DMXL1: variants seen among roughly 807,000 people sequenced by gnomAD.
DMXL1 encodes Dmx like 1, also known as dmX-like protein 1.
DMXL1 carries 99 observed loss-of-function variants against 319.2 expected under a neutral mutation model. The ratio of observed to expected loss-of-function variants is 0.31; its 90% confidence interval spans 0.26 to 0.37. DMXL1 has a LOEUF of 0.37. Ranked by LOEUF, DMXL1 falls within the 10% of genes least tolerant of loss-of-function variation. DMXL1 has a pLI of 1.00. For missense variants in DMXL1, 3,745 were observed against 3,595.6 expected, an observed-to-expected ratio of 1.04 and a Z score of -1.06; for synonymous variants, 1,385 against 1,235.2, an observed-to-expected ratio of 1.12 and a Z score of -2.54.
chr5:119,245,792 T>C (rs1208899548), intron 43 of DMXL1, among the ~76,000 whole-genome samples: 1 of 152,084 alleles, frequency 6.6e-6, no homozygotes, highest in Admixed American at 6.6e-5. Flanking sequence ...CCTGCCTGCC[T>C]CTGCCTCCCA....
chr5:119,172,319 A>G (rs1263982771), intron 25 of DMXL1, among the ~76,000 whole-genome samples: 2 of 152,212 alleles, frequency 1.3e-5, no homozygotes, highest in Non-Finnish European at 2.9e-5. Context: ...ATGTAAAGGC[A>G]CTAATATGTA....
At chr5:119,196,848 A>G (rs888377142) in intron 31 of DMXL1, among the ~76,000 whole-genome samples, 7 of 152,222 alleles carry the variant, frequency 4.6e-5, no homozygotes, top group African/African-American at 2.4e-5. Context: ...TGATTCTGCT[A>G]TGAACTATAG....
chr5:119,213,553 A>T (rs1350746828), intron 34 of DMXL1, among the ~76,000 whole-genome samples: 2 of 152,202 alleles, frequency 1.3e-5, no homozygotes, highest in African/African-American at 4.8e-5. Flanking sequence ...CTAGTCTCCT[A>T]TGTAGCAAAA....
chr5:119,174,798 C>G (rs1241888696), intron 25 of DMXL1, among the ~76,000 whole-genome samples: 1 of 151,970 alleles, frequency 6.6e-6, no homozygotes, highest in Admixed American at 6.6e-5. Context: ...CTTTCTCTTT[C>G]CTCTAGTTTC....
intron 5 of DMXL1, among the ~76,000 whole-genome samples, chr5:119,112,464 A>G (rs1759854218): frequency 6.6e-6 from 1 of 152,216 alleles, no homozygotes; most frequent in South Asian, 2.1e-4. Flanking sequence ...CTGGTGTAAC[A>G]GGATTTAAGT....
chr5:119,090,160 A>G (rs1048069319), intron 1 of DMXL1, among the ~76,000 whole-genome samples: 3 of 149,896 alleles, frequency 2.0e-5, no homozygotes, highest in Admixed American at 6.7e-5. Context: ...AGCTGGGATT[A>G]TAGGCGCCCA....
In DMXL1 at chr5:119,071,368, C is replaced by G. The variant is rs1041150589; in HGVS notation, c.-202C>G. 10 of 559,050 alleles carry G rather than the reference C, an allele frequency of 1.8e-5. No homozygotes were observed. The highest frequency in any genetic ancestry group is 7.0e-5 in the Admixed American group (2 of 28,452). The allele number at this position is 559,050 out of a possible 1,614,324, so 34.6% of individuals were successfully genotyped here. ...GCGGCGCTCCGCCCTCTCGCCGACCCGCCCCCTCCGGGCCTCGCCCTCCGG... is the reference window on the plus strand; with the variant it reads ...GCGGCGCTCCGCCCTCTCGCCGACCGGCCCCCTCCGGGCCTCGCCCTCCGG... On this transcript the variant is annotated 5_prime_UTR_variant, in exon 1 of 44. Coordinates refer to ENST00000539542, the MANE Select transcript of DMXL1 (RefSeq NM_001290321.3).
chr5:119,175,413 A>G, intron 26 of DMXL1, 76 bp downstream of exon 26: 1 of 1,043,610 alleles, frequency 9.6e-7, no homozygotes, highest in Non-Finnish European at 1.5e-6. Context: ...TTAGTGGTTT[A>G]GAACTATATA....
At chr5:119,177,933 A>T in intron 27 of DMXL1, 63 bp from the exon 28 acceptor site, 1 of 1,394,216 alleles carries the variant, frequency 7.2e-7, no homozygotes, top group South Asian at 1.6e-5. Context: ...AGAAAAATAT[A>T]GTTAATTTTT....
chr5:119,124,482 G>A lies in DMXL1; in HGVS notation c.1102+3343G>A, dbSNP rs534888412. Among the ~76,000 whole-genome samples, 306 of 151,758 alleles carry A rather than the reference G, an allele frequency of 2.0e-3. 2 individuals are homozygous for A. The highest frequency in any genetic ancestry group is 6.3e-3 in the South Asian group (30 of 4,786). ...AATTAGCTCATTAAAGAGGTTGATAGGTCAGTCTATTAAGTAAAAACTAGT... is the reference window on the plus strand; with the variant it reads ...AATTAGCTCATTAAAGAGGTTGATAAGTCAGTCTATTAAGTAAAAACTAGT... On this transcript the variant is annotated intron_variant, in intron 9 of 43. Coordinates refer to ENST00000539542, the MANE Select transcript of DMXL1 (RefSeq NM_001290321.3).
rs1164228454 is a variant in DMXL1, at chr5:119,224,722, C to G, written c.8291C>G (p.Ala2764Gly). 1.4e-5 allele frequency: 18 copies of G among 1,304,484 alleles called. No homozygotes were observed. Among genetic ancestry groups the G allele is most frequent in the Non-Finnish European group, 1.7e-5 (17 of 975,222 alleles). The allele number at this position is 1,304,484 out of a possible 1,614,324, so 80.8% of individuals were successfully genotyped here. A position where few individuals can be genotyped will look rare whatever the true frequency, so the allele number is the denominator to read the frequency against. Residue 2764 changes from alanine (A) to glycine (G), a missense_variant, in exon 38 of 44, where the codon GCC becomes GGC. By Grantham distance (60) the Ala-to-Gly change is moderately conservative (BLOSUM62 0). This residue lies in a region of DMXL1 where 1,382 missense variants were observed against 1,269.5 expected (regional missense o/e 1.09). Transcript: ENST00000539542. ...CTATTTTACCAGATGATTAAGAAAGCCATTAATAATGTTAGAAGAATGACT... is the reference window on the plus strand; with the variant it reads ...CTATTTTACCAGATGATTAAGAAAGGCATTAATAATGTTAGAAGAATGACT... Reference protein sequence around the residue: ...GRGASVMIKKAINNVRRMTSH... With the variant: ...GRGASVMIKKGINNVRRMTSH...
chr5:119,082,083 T>A (rs1300141886), intron 1 of DMXL1, among the ~76,000 whole-genome samples: 3 of 150,274 alleles, frequency 2.0e-5, no homozygotes, highest in Non-Finnish European at 4.4e-5. Flanking sequence ...GTTCTTAGAA[T>A]GTTTTATAAA....
intron 19 of DMXL1, among the ~76,000 whole-genome samples, chr5:119,160,501 C>T (rs1018061179): frequency 7.2e-5 from 11 of 152,080 alleles, no homozygotes; most frequent in African/African-American, 1.2e-4. Flanking sequence ...AAAAAGAATG[C>T]GTATTCTCTT....
At chr5:119,169,181 G>A (rs1774048529) in intron 23 of DMXL1, among the ~76,000 whole-genome samples, 1 of 152,046 alleles carries the variant, frequency 6.6e-6, no homozygotes. Context: ...CCTGGCCCTG[G>A]CCCACTTTCT....
chr5:119,094,851 C>CT (rs745994850), intron 1 of DMXL1, among the ~76,000 whole-genome samples: 3,185 of 133,884 alleles, frequency 0.024, 49 homozygotes, highest in Non-Finnish European at 0.03. Context: ...CTTGCACAAT[C>CT]TTTTTTTTTT....
At chr5:119,208,705 G>GT (rs1375009394) in intron 34 of DMXL1, among the ~76,000 whole-genome samples, 1 of 152,002 alleles carries the variant, frequency 6.6e-6, no homozygotes, top group Non-Finnish European at 1.5e-5. Context: ...AAAAATCTTT[G>GT]TAAGGTATGC....
Position 119,244,401 on chromosome 5 carries a change from C to T in DMXL1, c.8747C>T (p.Ala2916Val), listed in dbSNP as rs778578422. The change falls in exon 43 of 44, where the codon GCT becomes GTT. Residue 2916 changes from alanine (A) to valine (V), a missense_variant. By Grantham distance (64) the Ala-to-Val change is moderately conservative. Coordinates refer to ENST00000539542, the MANE Select transcript of DMXL1 (RefSeq NM_001290321.3). Reference protein sequence around the residue: ...HDSGATVLAYAPKHQLLISGG... With the variant: ...HDSGATVLAYVPKHQLLISGG... The stretch of plus-strand genomic sequence containing the variant: ...AGTGGAGCCACAGTTTTAGCATATG[C>T]TCCAAAACATCAGCTACTAATATCA... 1 of 1,613,974 alleles carries T rather than the reference C, an allele frequency of 6.2e-7. No homozygotes were observed. The highest frequency in any genetic ancestry group is 8.5e-7 in the Non-Finnish European group (1 of 1,179,976).
chr5:119,145,586 G>A (rs923484478), intron 15 of DMXL1, among the ~76,000 whole-genome samples: 2 of 151,522 alleles, frequency 1.3e-5, no homozygotes, highest in Non-Finnish European at 3.0e-5. Context: ...TGTTAATATT[G>A]TTAACAATTT....
chr5:119,089,687 G>A (rs559342170), intron 1 of DMXL1, among the ~76,000 whole-genome samples: 8 of 146,180 alleles, frequency 5.5e-5, no homozygotes, highest in East Asian at 2.1e-4. Flanking sequence ...GTGCAATGGC[G>A]CAATCTTGTC....
Sources: gnomAD v4.1 joint callset for allele counts (sites outside exome capture counted in the v4.1 genomes callset) on GRCh38, gnomAD v4.1.1 for gene constraint, gnomAD v4.1.1 regional missense constraint, MANE v1.5 for transcripts, NCBI Gene and HGNC (gene_info 2026-07-23, HGNC 2026-07-21) for gene names.